Variants in MCF2L2 observed in about 807,000 individuals in gnomAD.
The protein encoded by MCF2L2 is probable guanine nucleotide exchange factor MCF2L2.
MCF2L2 carries 102 observed loss-of-function variants against 150.2 expected under a neutral mutation model. That is an observed-to-expected ratio of 0.68 (90% confidence interval 0.58 to 0.80). The LOEUF (loss-of-function observed/expected upper bound fraction) is 0.80. MCF2L2 is among the 30% of genes least tolerant of loss of function. The pLI is 0.00. For synonymous variants in MCF2L2, 465 were observed against 491.3 expected, an observed-to-expected ratio of 0.95 and a Z score of 0.71; for missense variants, 1,256 against 1,372.8, an observed-to-expected ratio of 0.91 and a Z score of 1.34.
intron 1 of MCF2L2, among the ~76,000 whole-genome samples, chr3:183,415,389 G>T (rs574257041): frequency 1.3e-5 from 2 of 152,060 alleles, no homozygotes; most frequent in African/African-American, 4.8e-5. Context: ...GTTTCACCAC[G>T]TTGGCCAGGC....
chr3:183,180,482 C>T (rs956974500), intron 27 of MCF2L2, among the ~76,000 whole-genome samples: 1 of 152,080 alleles, frequency 6.6e-6, no homozygotes, highest in Non-Finnish European at 1.5e-5. Context: ...CTTCCTCCTC[C>T]CCTGTCTCTT....
At chr3:183,294,138 G>A (rs1051532846) in intron 13 of MCF2L2, among the ~76,000 whole-genome samples, 25 of 152,238 alleles carry the variant, frequency 1.6e-4, no homozygotes, top group Admixed American at 8.5e-4. Context: ...AACAACGTTG[G>A]AACATCGCAT....
intron 7 of MCF2L2, among the ~76,000 whole-genome samples, chr3:183,316,888 T>C (rs1729626050): frequency 6.6e-6 from 1 of 151,602 alleles, no homozygotes. Context: ...ATATTTTTAG[T>C]AGAGACAGGG....
intron 22 of MCF2L2, among the ~76,000 whole-genome samples, chr3:183,211,698 C>A (rs775353737): frequency 3.0e-4 from 46 of 152,248 alleles, no homozygotes; most frequent in Admixed American, 8.5e-4. Context: ...CGTTGCACAA[C>A]CTCTTTCAGA....
chr3:183,412,269 C>T (rs1715351653), intron 1 of MCF2L2, among the ~76,000 whole-genome samples: 1 of 150,774 alleles, frequency 6.6e-6, no homozygotes, highest in African/African-American at 2.5e-5. Flanking sequence ...AGGCTCTTCT[C>T]TAATTGTTTG....
Position 183,420,360 on chromosome 3 carries a change from G to C in MCF2L2, c.76+7542C>G, listed in dbSNP as rs568415032. 1.1e-4 allele frequency among the ~76,000 whole-genome samples: 17 copies of C among 152,318 alleles called. No homozygotes were observed. The South Asian group carries it at 3.3e-3, about 30-fold the overall frequency. On this transcript the variant is annotated intron_variant, in intron 1 of 29. Transcript: ENST00000328913. ...CTCATGCCTGTAATCCCAGCACTTTGGGAGGCCAAGGCAGGTGGATCACAA... is the reference window on the plus strand; with the variant it reads ...CTCATGCCTGTAATCCCAGCACTTTCGGAGGCCAAGGCAGGTGGATCACAA...
chr3:183,341,596 T>C lies in MCF2L2; in HGVS notation c.310A>G (p.Ile104Val). 1 of 1,614,152 alleles carries C rather than the reference T, an allele frequency of 6.2e-7. No individual in the cohort carries two copies. Among genetic ancestry groups the C allele is most frequent in the South Asian group, 1.1e-5 (1 of 91,082 alleles). Residue 104 changes from isoleucine (I) to valine (V), a missense_variant, in exon 4 of 30, where the codon ATC becomes GTC. Transcript: ENST00000328913. The stretch of plus-strand genomic sequence containing the variant: ...CTCCACTTGTCTCTTCGTCTGTCGA[T>C]AACAACAATGAATCCAATGCTGGCA... ...EAASIGFIVV[I>V]DRRRDKWSSV...
At chr3:183,370,422 A>G (rs1480059948) in intron 3 of MCF2L2, among the ~76,000 whole-genome samples, 1 of 152,284 alleles carries the variant, frequency 6.6e-6, no homozygotes, top group Non-Finnish European at 1.5e-5. Context: ...AAGAAAAATC[A>G]TGCATCAAGA....
chr3:183,286,414 A>G (rs750702077), intron 14 of MCF2L2, among the ~76,000 whole-genome samples: 1 of 152,194 alleles, frequency 6.6e-6, no homozygotes, highest in South Asian at 2.1e-4. Flanking sequence ...TGCATGCTCA[A>G]TGCAACCTGG....
chr3:183,377,814 G>C (rs1222696069), intron 3 of MCF2L2: 2 of 152,230 alleles, frequency 1.3e-5, no homozygotes, highest in Non-Finnish European at 2.9e-5. Flanking sequence ...AGAAACACCT[G>C]AGCAAAGCCG....
At position 183,304,462 on chromosome 3, in the gene MCF2L2, A is replaced by ATTTTT. The variant is rs36115279; in HGVS notation, c.1114-4271_1114-4267dup. Among the ~76,000 whole-genome samples, 193 of 114,078 alleles carry ATTTTT rather than the reference A, an allele frequency of 1.7e-3. 4 individuals are homozygous for ATTTTT. Among genetic ancestry groups the ATTTTT allele is most frequent in the Middle Eastern group, 5.1e-3 (1 of 196 alleles). The allele number at this position is 114,078 out of a possible 152,430, so 74.8% of individuals were successfully genotyped here. A position where few individuals can be genotyped will look rare whatever the true frequency, so the allele number is the denominator to read the frequency against. On this transcript the variant is annotated intron_variant, in intron 10 of 29. Transcript: ENST00000328913. ...TGGAATACTCATTCCCTGGGCAGTG[A>ATTTTT]TTTTTTTTTTTTTTTTTTTTTTGAG... is the stretch of plus-strand genomic sequence containing the variant.
At chr3:183,272,678 C>CAATT (rs1726878454) in intron 15 of MCF2L2, 1 of 1,005,384 alleles carries the variant, frequency 9.9e-7, no homozygotes, top group Non-Finnish European at 1.2e-6. Flanking sequence ...GTTTTCTGAC[C>CAATT]AATTAAAAAA....
At chr3:183,187,594 G>A (rs1290745443) in intron 27 of MCF2L2, among the ~76,000 whole-genome samples, 6 of 151,986 alleles carry the variant, frequency 3.9e-5, no homozygotes, top group African/African-American at 4.8e-5. Context: ...TCAGCCTCCC[G>A]AGTAGCTGGG....
intron 3 of MCF2L2, among the ~76,000 whole-genome samples, chr3:183,349,967 G>C (rs1731048425): frequency 6.6e-6 from 1 of 152,082 alleles, no homozygotes. Flanking sequence ...GAGAGGCTTA[G>C]CAAATATTAG....
intron 1 of MCF2L2, among the ~76,000 whole-genome samples, chr3:183,401,792 G>A (rs908306762): frequency 7.9e-5 from 12 of 152,284 alleles, no homozygotes; most frequent in East Asian, 3.9e-4. Flanking sequence ...TGAGTTTCAT[G>A]TCATTGTATG....
At chr3:183,361,117 G>GA (rs1169922194) in intron 3 of MCF2L2, among the ~76,000 whole-genome samples, 2 of 83,344 alleles carry the variant, frequency 2.4e-5, no homozygotes, top group African/African-American at 1.4e-4. Flanking sequence ...AAAGAAAAAA[G>GA]AAAAAGAAAA....
intron 1 of MCF2L2, among the ~76,000 whole-genome samples, chr3:183,396,176 G>A (rs1714447454): frequency 6.6e-6 from 1 of 151,818 alleles, no homozygotes; most frequent in African/African-American, 2.4e-5. Context: ...TCAGACCCAG[G>A]GAAATACTCC....
At chr3:183,278,012 C>A (rs1490375107) in intron 14 of MCF2L2, among the ~76,000 whole-genome samples, 2 of 149,464 alleles carry the variant, frequency 1.3e-5, no homozygotes, top group Non-Finnish European at 3.0e-5. Flanking sequence ...TGGTGAAACC[C>A]CATCTCTACT....
At chr3:183,266,871 C>T (rs545563826) in intron 15 of MCF2L2, among the ~76,000 whole-genome samples, 1 of 151,852 alleles carries the variant, frequency 6.6e-6, no homozygotes, top group South Asian at 2.1e-4. Flanking sequence ...ATTGCAACCT[C>T]CACCTTCCTG....
Sources: gnomAD v4.1 joint callset for allele counts (sites outside exome capture counted in the v4.1 genomes callset) on GRCh38, gnomAD v4.1.1 for gene constraint, MANE v1.5 for transcripts, NCBI Gene and HGNC (gene_info 2026-07-23, HGNC 2026-07-21) for gene names.